TBXAS1: variants seen among roughly 807,000 people sequenced by gnomAD.
TBXAS1 encodes thromboxane-A synthase.
Under a neutral mutation model 60.7 loss-of-function variants are expected in TBXAS1, and 48 were observed. That is an observed-to-expected ratio of 0.79 (90% CI 0.63 to 1.01). The LOEUF is 1.01. Ranked by LOEUF, TBXAS1 falls within the 50% of genes least tolerant of loss-of-function variation. The pLI, the probability that TBXAS1 is intolerant of heterozygous loss-of-function variation, is 0.00. For synonymous variants in TBXAS1, 287 were observed against 269.7 expected, an observed-to-expected ratio of 1.06 and a Z score of -0.63; for missense variants, 685 against 686.3, an observed-to-expected ratio of 1.00 and a Z score of 0.02.
At chr7:139,969,750 G>T (rs1401775492) in intron 9 of TBXAS1, among the ~76,000 whole-genome samples, 1 of 152,156 alleles carries the variant, frequency 6.6e-6, no homozygotes, top group Non-Finnish European at 1.5e-5. Flanking sequence ...AGTTGGTGAG[G>T]AGTAAGTTCA....
At chr7:139,791,769 AATT>A (rs1241324054) in intron 4 of TBXAS1, among the ~76,000 whole-genome samples, 3 of 151,620 alleles carry the variant, frequency 2.0e-5, no homozygotes, top group African/African-American at 7.3e-5. Flanking sequence ...AGAGACATGA[AATT>A]ATTAACTTTT....
chr7:139,812,268 T>G (rs1798037442), intron 4 of TBXAS1, among the ~76,000 whole-genome samples: 1 of 152,142 alleles, frequency 6.6e-6, no homozygotes, highest in Admixed American at 6.5e-5. Flanking sequence ...ACTGAGCAAA[T>G]ACACACAAAT....
At chr7:139,900,458 C>T (rs957366668) in intron 3 of TBXAS1, among the ~76,000 whole-genome samples, 2 of 152,172 alleles carry the variant, frequency 1.3e-5, no homozygotes, top group African/African-American at 4.8e-5. Flanking sequence ...CACCTTTGTG[C>T]AATACCAAGA....
At chr7:139,943,904 T>C (rs975687145) in intron 5 of TBXAS1, among the ~76,000 whole-genome samples, 2 of 152,104 alleles carry the variant, frequency 1.3e-5, no homozygotes, top group African/African-American at 4.8e-5. Flanking sequence ...TACGTTTAAA[T>C]ACCTTCCCCC....
intron 3 of TBXAS1, among the ~76,000 whole-genome samples, chr7:139,879,866 GTGTGTGTGTGTGTTT>G (rs1312862266): frequency 2.1e-5 from 3 of 143,998 alleles, no homozygotes; most frequent in African/African-American, 8.5e-5. Context: ...GTGTGTGTGT[GTGTGTGTGTGTGTTT>G]TGTTTTGTTT....
intron 1 of TBXAS1, among the ~76,000 whole-genome samples, chr7:139,830,647 A>G (rs550106459): frequency 3.1e-4 from 47 of 152,076 alleles, no homozygotes; most frequent in African/African-American, 1.1e-3. Context: ...AGCCCCCAAT[A>G]ATCCATCTCA....
intron 4 of TBXAS1, among the ~76,000 whole-genome samples, chr7:139,931,906 T>C (rs1807356882): frequency 6.6e-6 from 1 of 152,092 alleles, no homozygotes; most frequent in Non-Finnish European, 1.5e-5. Context: ...TGGAAGCTAT[T>C]GTTTAATAGG....
At chr7:139,805,016 A>G (rs1797811969) in intron 4 of TBXAS1, among the ~76,000 whole-genome samples, 2 of 152,242 alleles carry the variant, frequency 1.3e-5, no homozygotes. Context: ...CCTGAAGTCA[A>G]TTAGAATAAT....
chr7:139,826,363 A>G (rs1798437918), upstream of TBXAS1, among the ~76,000 whole-genome samples: 1 of 152,176 alleles, frequency 6.6e-6, no homozygotes, highest in South Asian at 2.1e-4. Flanking sequence ...GGGGTGGTGC[A>G]GTTGGGGGAC....
chr7:139,822,374 C>T (rs1372011393), intron 4 of TBXAS1, among the ~76,000 whole-genome samples: 1 of 152,150 alleles, frequency 6.6e-6, no homozygotes, highest in Non-Finnish European at 1.5e-5. Flanking sequence ...CCCTCAACTC[C>T]GTGCTTCCCT....
intron 1 of TBXAS1, among the ~76,000 whole-genome samples, chr7:139,853,616 G>T (rs535123219): frequency 3.3e-5 from 5 of 152,144 alleles, no homozygotes; most frequent in Admixed American, 2.0e-4. Flanking sequence ...CTTTTATTAC[G>T]CAGGATCCAG....
At chr7:140,006,372 C>T (rs958181833) in intron 9 of TBXAS1, among the ~76,000 whole-genome samples, 2 of 152,142 alleles carry the variant, frequency 1.3e-5, no homozygotes, top group African/African-American at 4.8e-5. Flanking sequence ...AGGAGAGTCA[C>T]CCGGGGGTGT....
chr7:139,799,697 C>T (rs1375000168), intron 4 of TBXAS1, among the ~76,000 whole-genome samples: 2 of 152,170 alleles, frequency 1.3e-5, no homozygotes, highest in Non-Finnish European at 2.9e-5. Flanking sequence ...TTTCCTAGTT[C>T]CTTCCTTGCC....
chr7:139,962,995 G>A (rs1375457143), intron 9 of TBXAS1: 2 of 152,132 alleles, frequency 1.3e-5, no homozygotes. Context: ...TTTGAAAGGT[G>A]GTCTGTTCTG....
In TBXAS1 at chr7:139,982,017, T is replaced by C. The variant is rs181329416; in HGVS notation, c.1134+19784T>C. Among the ~76,000 whole-genome samples the C allele has an allele frequency of 2.8e-3, 426 of 152,348 alleles. 1 individual carries two copies. The highest frequency in any genetic ancestry group is 9.4e-3 in the African/African-American group (392 of 41,582). On this transcript the variant is annotated intron_variant, in intron 9 of 12. Coordinates refer to ENST00000448866, the MANE Select transcript of TBXAS1 (RefSeq NM_001061.7). ...CACAAAGTTTTGTAGTTTGAAGCAGTTAAAAGTCTTAATCTTCTGAAAATT... is the reference window on the plus strand; with the variant it reads ...CACAAAGTTTTGTAGTTTGAAGCAGCTAAAAGTCTTAATCTTCTGAAAATT...
chr7:139,998,189 G>C (rs1353304392), intron 9 of TBXAS1, among the ~76,000 whole-genome samples: 1 of 152,238 alleles, frequency 6.6e-6, no homozygotes, highest in African/African-American at 2.4e-5. Context: ...CGTGTTAGAA[G>C]TCAAGACAGT....
intron 4 of TBXAS1, among the ~76,000 whole-genome samples, chr7:139,789,933 A>G (rs992274059): frequency 2.0e-5 from 3 of 152,128 alleles, no homozygotes; most frequent in Admixed American, 2.0e-4. Flanking sequence ...ACCCGGCCTA[A>G]ACATATTTTC....
chr7:140,018,121 T>C (rs924123866), intron 12 of TBXAS1, among the ~76,000 whole-genome samples: 3 of 152,204 alleles, frequency 2.0e-5, no homozygotes, highest in African/African-American at 7.2e-5. Flanking sequence ...GTTATTAGTA[T>C]TGTTCTCTGC....
intron 4 of TBXAS1, among the ~76,000 whole-genome samples, chr7:139,803,128 G>T (rs1262444795): frequency 1.3e-5 from 2 of 152,218 alleles, no homozygotes; most frequent in Non-Finnish European, 2.9e-5. Context: ...CAGTTTGGAA[G>T]GCTCAGACGA....
Sources: allele counts gnomAD v4.1 joint callset (sites outside exome capture counted in the v4.1 genomes callset), GRCh38; gene constraint gnomAD v4.1.1; transcripts MANE v1.5; gene names NCBI Gene and HGNC (gene_info 2026-07-23, HGNC 2026-07-21).